MEGF6: variants seen among roughly 807,000 people sequenced by gnomAD.
MEGF6 encodes multiple EGF like domains 6.
In MEGF6, 184 loss-of-function variants were observed where a neutral mutation model predicts 207.1. That is an observed-to-expected ratio of 0.89 (90% confidence interval 0.79 to 1.00). The LOEUF (loss-of-function observed/expected upper bound fraction) is 1.00. Ranked by LOEUF, MEGF6 falls within the 50% of genes least tolerant of loss-of-function variation. The probability of loss-of-function intolerance (pLI) is 0.00; values close to 1 mark genes in which losing one functional copy is unlikely to be tolerated. For synonymous variants in MEGF6, 1,038 were observed against 910.0 expected (o/e 1.14, Z -2.53); for missense variants, 2,282 against 2,202.9 (o/e 1.04, Z -0.72).
rs56851590 is a variant in MEGF6 at position 3,560,019 on chromosome 1, G to GAAA, written c.481+19803_481+19805dup. On this transcript the variant is annotated intron_variant, in intron 4 of 36. Transcript: ENST00000356575. The surrounding 1 kb of genome is among the most constrained non-coding windows in gnomAD (Gnocchi z 4.0). Reference sequence around the variant, plus strand: ...TATGAGAGTCCGTCTCAAAATAAAAGAAAAAAAAAAAAAAAAAGGAAACAC... The same window carrying GAAA: ...TATGAGAGTCCGTCTCAAAATAAAAGAAAAAAAAAAAAAAAAAAAAGGAAACAC... Among the ~76,000 whole-genome samples the GAAA allele has an allele frequency of 3.1e-5, 3 of 97,464 alleles. No individual in the cohort carries two copies. The highest frequency in any genetic ancestry group is 2.1e-5 in the Non-Finnish European group (1 of 46,988). 63.9% of individuals were successfully genotyped at this position (97,464 alleles called of 152,430 possible). A position where few individuals can be genotyped will look rare whatever the true frequency, so the allele number is the denominator to read the frequency against.
chr1:3,515,330 C>T (rs1481680422), intron 6 of MEGF6, 72 bp downstream of exon 6: 1 of 1,525,046 alleles, frequency 6.6e-7, no homozygotes, highest in East Asian at 2.4e-5. Context: ...CCACTTCCAC[C>T]CAACAGCCCA....
chr1:3,521,879 C>T lies in MEGF6; in HGVS notation c.604+2245G>A, dbSNP rs540789012. On this transcript the variant is annotated intron_variant, in intron 5 of 36. Coordinates refer to ENST00000356575, the MANE Select transcript of MEGF6 (RefSeq NM_001409.4). ...TGCCAGGAAGGGGGTCTGGATGGTG[C>T]CCAAGCAGGGTGGCCTAGAAATGGG... Among the ~76,000 whole-genome samples, 7 of 152,278 alleles carry T rather than the reference C, an allele frequency of 4.6e-5. No homozygotes were observed. The South Asian group carries it at 6.2e-4, about 14-fold the overall frequency.
At chr1:3,562,685 G>A (rs531050538) in intron 4 of MEGF6, among the ~76,000 whole-genome samples, 6 of 152,352 alleles carry the variant, frequency 3.9e-5, no homozygotes, top group East Asian at 3.9e-4. Context: ...CCCCCAGGTC[G>A]GAGAGCCACT....
intron 4 of MEGF6, among the ~76,000 whole-genome samples, chr1:3,542,002 G>A (rs568472103): frequency 7.9e-5 from 12 of 152,328 alleles, no homozygotes; most frequent in South Asian, 6.2e-4. Flanking sequence ...GCTGAGAGCC[G>A]GGTCCGGCAC....
rs754853171 is a variant in MEGF6, at chr1:3,492,848, C to A, written c.4388-81G>T. On this transcript the variant is annotated intron_variant, in intron 34 of 36. Coordinates refer to ENST00000356575, the MANE Select transcript of MEGF6 (RefSeq NM_001409.4). ...GCCAAGGAGCCTGGGCCTAGGGGCC[C>A]GCGGCAGAGCCCAGGTGGAGTGAAG... 5.2e-6 allele frequency: 8 copies of A among 1,535,934 alleles called. No individual in the cohort carries two copies. In the African/African-American group the frequency reaches 1.1e-4, roughly 21 times the overall value.
chr1:3,509,969 G>A lies in MEGF6; in HGVS notation c.1258C>T (p.Arg420Cys), dbSNP rs201995912. Residue 420 changes from arginine (R) to cysteine (C), a missense_variant, in exon 11 of 37, where the codon CGT becomes TGT. Coordinates refer to ENST00000356575, the MANE Select transcript of MEGF6 (RefSeq NM_001409.4). ...CEDVDECASS[R>C]GGCEHHCTNL... ...GTGCAGTGGTGCTCGCAGCCGCCAC[G>A]GCTGGAGGCGCACTCATCCACATCT... 294 of 1,585,102 alleles carry A rather than the reference G, an allele frequency of 1.9e-4. 1 individual carries two copies. The Middle Eastern group carries it at 5.6e-3, about 30-fold the overall frequency.
At chr1:3,499,044 C>T in intron 24 of MEGF6, 94 bp downstream of exon 24, 1 of 1,515,242 alleles carries the variant, frequency 6.6e-7, no homozygotes, top group Non-Finnish European at 8.9e-7. Context: ...CTTCCTCCCT[C>T]CCCCAGGCAC....
At chr1:3,593,032 C>A (rs1314649506) in intron 3 of MEGF6, among the ~76,000 whole-genome samples, 1 of 152,124 alleles carries the variant, frequency 6.6e-6, no homozygotes, top group African/African-American at 2.4e-5. Context: ...AGGGCCAGGC[C>A]AGGGCAGAGC....
chr1:3,564,083 C>G (rs1001406459), intron 4 of MEGF6, among the ~76,000 whole-genome samples: 1 of 150,960 alleles, frequency 6.6e-6, no homozygotes, highest in Non-Finnish European at 1.5e-5. Context: ...TCAGTCCTGC[C>G]GGGCTACCTC....
upstream of MEGF6, among the ~76,000 whole-genome samples, chr1:3,613,138 C>T (rs1328267381): frequency 2.6e-5 from 4 of 152,216 alleles, no homozygotes; most frequent in South Asian, 2.1e-4. Context: ...TTGGTGCCCC[C>T]GTTGCTGATG....
intron 2 of MEGF6, 91 bp from the exon 3 acceptor site, chr1:3,595,538 C>CTGTATTCGGCTCTCACTGCACCCCTGGGG: frequency 1.7e-6 from 2 of 1,148,094 alleles, no homozygotes. Flanking sequence ...GACTCTGCGT[C>CTGTATTCGGCTCTCACTGCACCCCTGGGG]AGCCGGGTTC....
chr1:3,570,897 A>C (rs1233875228), intron 4 of MEGF6, among the ~76,000 whole-genome samples: 1 of 152,094 alleles, frequency 6.6e-6, no homozygotes, highest in African/African-American at 2.4e-5. Context: ...GGGGCCACCC[A>C]GTCTCTCCCC....
chr1:3,596,074 C>T (rs1359665401), intron 2 of MEGF6, among the ~76,000 whole-genome samples: 2 of 152,068 alleles, frequency 1.3e-5, no homozygotes, highest in Non-Finnish European at 2.9e-5. Flanking sequence ...CTGGAGGAAG[C>T]AGTTAGGGGA....
At chr1:3,558,532 C>T (rs1643100378) in intron 4 of MEGF6, among the ~76,000 whole-genome samples, 1 of 152,152 alleles carries the variant, frequency 6.6e-6, no homozygotes, top group Admixed American at 6.5e-5. Context: ...CCCCGACTTC[C>T]CTTTTTCTTG....
intron 4 of MEGF6, among the ~76,000 whole-genome samples, chr1:3,539,089 G>A (rs1405879480): frequency 2.6e-5 from 4 of 152,214 alleles, no homozygotes; most frequent in Non-Finnish European, 5.9e-5. Flanking sequence ...TAGGATCCCA[G>A]GGGGTGAGGG....
At position 3,536,644 on chromosome 1, in the gene MEGF6, G is replaced by A. The variant is rs182244147; in HGVS notation, c.482-12398C>T. Among the ~76,000 whole-genome samples the A allele has an allele frequency of 2.0e-5, 3 of 152,292 alleles. No homozygotes were observed. In the East Asian group the frequency reaches 5.8e-4, roughly 29 times the overall value. On this transcript the variant is annotated intron_variant, in intron 4 of 36. Coordinates refer to ENST00000356575, the MANE Select transcript of MEGF6 (RefSeq NM_001409.4). ...GTTTGGGAAATGCTTTCCTGATGTG[G>A]AAACGCAGCCGGCGTCTGTGCCTGG...
chr1:3,508,989 C>A, intron 12 of MEGF6, 86 bp downstream of exon 12: 1 of 1,394,796 alleles, frequency 7.2e-7, no homozygotes, highest in African/African-American at 1.5e-5. Context: ...CGTCCCCAGC[C>A]TCTGATTGGA....
rs1453827640 is a variant in MEGF6, at chr1:3,490,357, C to T, written c.*171G>A. On this transcript the variant is annotated 3_prime_UTR_variant, in exon 37 of 37. Transcript: ENST00000356575. ...CGAGGCTTCCCTCCTCAAGGCCACA[C>T]CAGCCTCCAAGAGCGACAGGTTGCT... is the stretch of plus-strand genomic sequence containing the variant. 5 of 715,610 alleles carry T rather than the reference C, an allele frequency of 7.0e-6. No individual in the cohort carries two copies. Among genetic ancestry groups the T allele is most frequent in the Non-Finnish European group, 1.1e-5 (5 of 439,818 alleles). 44.3% of individuals were successfully genotyped at this position (715,610 alleles called of 1,614,324 possible).
chr1:3,514,378 G>GC (rs1641461754), intron 7 of MEGF6, among the ~76,000 whole-genome samples, 172 bp downstream of exon 7: 1 of 152,202 alleles, frequency 6.6e-6, no homozygotes, highest in African/African-American at 2.4e-5. Flanking sequence ...TCGCCCCTCA[G>GC]CCCCCAGCAA....
Sources: gnomAD v4.1 joint callset for allele counts (sites outside exome capture counted in the v4.1 genomes callset) on GRCh38, gnomAD v4.1.1 for gene constraint, Gnocchi (gnomAD v3.1) non-coding constraint, MANE v1.5 for transcripts, NCBI Gene and HGNC (gene_info 2026-07-23, HGNC 2026-07-21) for gene names.